PHACTR3: variants seen among roughly 807,000 people sequenced by gnomAD.
PHACTR3 encodes the protein phosphatase and actin regulator 3, also known as protein phosphatase 1, regulatory subunit 123.
In PHACTR3, 16 loss-of-function variants were observed where a neutral mutation model predicts 66.8. That is an observed-to-expected ratio of 0.24 (90% CI 0.16 to 0.36). The LOEUF (loss-of-function observed/expected upper bound fraction) is 0.36. Among genes scored for constraint, PHACTR3 ranks in the 10% least tolerant of loss-of-function variants. PHACTR3 has a pLI of 1.00. For synonymous variants in PHACTR3, 323 were observed against 292.1 expected, an observed-to-expected ratio of 1.11 and a Z score of -1.08; for missense variants, 647 against 719.9, an observed-to-expected ratio of 0.90 and a Z score of 1.16.
At chr20:59,642,499 C>A (rs145438464) in intron 1 of PHACTR3, among the ~76,000 whole-genome samples, 1 of 141,916 alleles carries the variant, frequency 7.0e-6, no homozygotes, top group East Asian at 2.1e-4. Context: ...TTTCCCGTGT[C>A]GGGATTGTTC....
In PHACTR3 at chr20:59,605,847, G is replaced by C. The variant is rs182858643; in HGVS notation, c.118+715G>C. The stretch of plus-strand genomic sequence containing the variant: ...GAGAGGAAGAAAGGCCTAATAAAGC[G>C]GGGGGGGAGGTGGGGGGGGGGGTGG... On this transcript the variant is annotated intron_variant, in intron 1 of 12. Coordinates refer to ENST00000371015, the MANE Select transcript of PHACTR3 (RefSeq NM_080672.5). 1.4e-3 allele frequency among the ~76,000 whole-genome samples: 173 copies of C among 119,640 alleles called. 1 individual carries two copies. Among genetic ancestry groups the C allele is most frequent in the African/African-American group, 4.4e-3 (150 of 33,984 alleles). 78.5% of individuals were successfully genotyped at this position (119,640 alleles called of 152,430 possible). A position where few individuals can be genotyped will look rare whatever the true frequency, so the allele number is the denominator to read the frequency against.
intron 1 of PHACTR3, among the ~76,000 whole-genome samples, chr20:59,713,729 T>C (rs762598047): frequency 6.6e-6 from 1 of 152,126 alleles, no homozygotes; most frequent in Non-Finnish European, 1.5e-5. Flanking sequence ...CTTCTTGAGC[T>C]CGTTTTTGTC....
intron 1 of PHACTR3, among the ~76,000 whole-genome samples, chr20:59,615,842 G>GTA (rs367835396): frequency 4.2e-4 from 64 of 152,336 alleles, no homozygotes; most frequent in African/African-American, 1.4e-3. Flanking sequence ...GACCCCTTTG[G>GTA]TTGGGGGAGC....
intron 3 of PHACTR3, among the ~76,000 whole-genome samples, chr20:59,753,548 T>C (rs1197904182): frequency 2.0e-5 from 3 of 152,176 alleles, no homozygotes; most frequent in Admixed American, 6.5e-5. Flanking sequence ...AGATCACTCT[T>C]GTCACCCTCC....
intron 1 of PHACTR3, among the ~76,000 whole-genome samples, chr20:59,585,106 C>A (rs1220006399): frequency 6.6e-6 from 1 of 152,196 alleles, no homozygotes; most frequent in Non-Finnish European, 1.5e-5. Context: ...TTTGCATAGG[C>A]AGCTTGAGGT....
intron 8 of PHACTR3, among the ~76,000 whole-genome samples, chr20:59,835,015 A>AT (rs545316599): frequency 4.9e-4 from 75 of 152,354 alleles, no homozygotes; most frequent in African/African-American, 1.8e-3. Context: ...CCTGAGCTGC[A>AT]TGCAGCCTGC....
At chr20:59,810,233 C>T (rs1320101091) in intron 8 of PHACTR3, among the ~76,000 whole-genome samples, 3 of 152,228 alleles carry the variant, frequency 2.0e-5, no homozygotes, top group African/African-American at 7.2e-5. Context: ...GTTGGGCTGC[C>T]GGGGATACCC....
At chr20:59,760,269 C>A (rs905660835) in intron 4 of PHACTR3, among the ~76,000 whole-genome samples, 1 of 152,106 alleles carries the variant, frequency 6.6e-6, no homozygotes, top group African/African-American at 2.4e-5. Context: ...TTCCTTGAGC[C>A]TTTGGTTTGG....
chr20:59,803,193 T>C (rs2041468549), intron 7 of PHACTR3, among the ~76,000 whole-genome samples: 1 of 152,168 alleles, frequency 6.6e-6, no homozygotes, highest in Admixed American at 6.5e-5. Flanking sequence ...TACTGCAGAG[T>C]TGAAGAATGG....
At chr20:59,586,029 C>T (rs747110148) in intron 1 of PHACTR3, among the ~76,000 whole-genome samples, 9 of 152,146 alleles carry the variant, frequency 5.9e-5, no homozygotes, top group African/African-American at 1.9e-4. Context: ...GATGGGAATG[C>T]GCAGGCCTGC....
chr20:59,762,272 C>T (rs1227602595), intron 4 of PHACTR3, among the ~76,000 whole-genome samples: 1 of 152,208 alleles, frequency 6.6e-6, no homozygotes, highest in African/African-American at 2.4e-5. Flanking sequence ...AACCCATAGT[C>T]CCACCTTGGG....
chr20:59,692,319 C>G (rs17804813), intron 1 of PHACTR3, among the ~76,000 whole-genome samples: 4,396 of 152,308 alleles, frequency 0.029, 100 homozygotes, highest in Non-Finnish European at 0.037. Context: ...GAAGGTCACC[C>G]GTGGTTCAGC....
chr20:59,707,735 G>C (rs1163624598), intron 1 of PHACTR3, among the ~76,000 whole-genome samples: 1 of 152,040 alleles, frequency 6.6e-6, no homozygotes, highest in Non-Finnish European at 1.5e-5. Context: ...CAAAGTGCTG[G>C]GATTACAGGC....
chr20:59,643,128 G>T (rs1233218639), intron 1 of PHACTR3, among the ~76,000 whole-genome samples: 1 of 152,226 alleles, frequency 6.6e-6, no homozygotes, highest in South Asian at 2.1e-4. Flanking sequence ...AGCCAGGATG[G>T]TCTCGATCTC....
At position 59,774,393 on chromosome 20, in the gene PHACTR3, T is replaced by C. The variant is rs750400729; in HGVS notation, c.1077T>C (p.Ser359=). ...LENKRTAAKE[S]EENKENLIIN... is the part of the protein sequence containing the mutation. ...ACAAGCGAACTGCCGCTAAGGAATC[T>C]GAGGAGAACAAGGAGAACCTGATCA... The change falls in exon 7 of 13, where the codon TCT becomes TCC. Residue 359 remains serine (S), a synonymous_variant. Coordinates refer to ENST00000371015, the MANE Select transcript of PHACTR3 (RefSeq NM_080672.5). 24 of 1,613,976 alleles carry C rather than the reference T, an allele frequency of 1.5e-5. No individual in the cohort carries two copies. The highest frequency in any genetic ancestry group is 1.9e-5 in the Non-Finnish European group (22 of 1,180,008).
chr20:59,625,518 A>G (rs987226890), intron 1 of PHACTR3, among the ~76,000 whole-genome samples: 33 of 152,188 alleles, frequency 2.2e-4, no homozygotes, highest in African/African-American at 7.7e-4. Flanking sequence ...AGCTGATGTT[A>G]AAATTAAGAG....
intron 1 of PHACTR3, among the ~76,000 whole-genome samples, chr20:59,715,937 G>C (rs1008312663): frequency 5.3e-5 from 8 of 152,170 alleles, no homozygotes; most frequent in Admixed American, 4.6e-4. Context: ...CAGCAGTTAA[G>C]GATACAGCAG....
chr20:59,795,891 C>A (rs1448263896), intron 7 of PHACTR3, among the ~76,000 whole-genome samples: 1 of 152,068 alleles, frequency 6.6e-6, no homozygotes, highest in African/African-American at 2.4e-5. Context: ...AGGCAGCATA[C>A]AATTAGGTCT....
At chr20:59,655,788 G>A (rs2035602091) in intron 1 of PHACTR3, among the ~76,000 whole-genome samples, 3 of 151,628 alleles carry the variant, frequency 2.0e-5, no homozygotes, top group Admixed American at 2.0e-4. Flanking sequence ...TAGAGCTATA[G>A]GCTTCTATTT....
Sources: gnomAD v4.1 joint callset for allele counts (sites outside exome capture counted in the v4.1 genomes callset) on GRCh38, gnomAD v4.1.1 for gene constraint, MANE v1.5 for transcripts, NCBI Gene and HGNC (gene_info 2026-07-23, HGNC 2026-07-21) for gene names.